The following RFT1 variants were observed in gnomAD, a reference collection of about 807,000 sequenced individuals.
RFT1 encodes the protein man(5)GlcNAc(2)-PP-dolichol translocation protein RFT1.
In RFT1, 43 loss-of-function variants were observed where a neutral mutation model predicts 62.2. The ratio of observed to expected loss-of-function variants is 0.69; its 90% confidence interval spans 0.54 to 0.89. The LOEUF (loss-of-function observed/expected upper bound fraction) is 0.89. RFT1 is among the 40% of genes least tolerant of loss of function. RFT1 has a pLI of 0.00. For missense variants in RFT1, 605 were observed against 649.9 expected, an observed-to-expected ratio of 0.93 and a Z score of 0.75; for synonymous variants, 262 against 264.6, an observed-to-expected ratio of 0.99 and a Z score of 0.10.
At chr3:53,075,794 G>A in the RFT1 span, among the ~76,000 whole-genome samples, 5 of 152,204 alleles carry the variant, frequency 3.3e-5, no homozygotes, top group Non-Finnish European at 2.9e-5. Flanking sequence ...GCTGGGAGCA[G>A]GCTCAGAGCT....
intron 7 of RFT1, among the ~76,000 whole-genome samples, chr3:53,107,500 C>G (rs73088322): frequency 0.26 from 39,764 of 151,646 alleles, 5,609 homozygotes; most frequent in Middle Eastern, 0.39. Context: ...AGATGATAGT[C>G]CCAAGTCTTA....
In RFT1 at chr3:53,089,663, C is replaced by G. The variant is rs774292834; in HGVS notation, c.*2240G>C. ...GCTGCCAAAGTGCTGACAGCCCAGG[C>G]GGCAGGGCTAGTCCTGGGAAAACAC... is the stretch of plus-strand genomic sequence containing the variant. On this transcript the variant is annotated 3_prime_UTR_variant, in exon 13 of 13. Transcript: ENST00000296292. 2 of 152,314 alleles carry G rather than the reference C, an allele frequency of 1.3e-5. No individual in the cohort carries two copies. Among genetic ancestry groups the G allele is most frequent in the Non-Finnish European group, 2.9e-5 (2 of 68,154 alleles). The allele number at this position is 152,314 out of a possible 1,614,324, so 9.4% of individuals were successfully genotyped here. A position where few individuals can be genotyped will look rare whatever the true frequency, so the allele number is the denominator to read the frequency against.
rs780103199 is a variant in RFT1, at chr3:53,092,248, G to A, written c.1458+121C>T. 9 of 1,447,634 alleles carry A rather than the reference G, an allele frequency of 6.2e-6. No homozygotes were observed. In the African/African-American group the frequency reaches 1.3e-4, roughly 20 times the overall value. The allele number at this position is 1,447,634 out of a possible 1,614,324, so 89.7% of individuals were successfully genotyped here. ...TTCTCTTGTCACATTATCAGAAGAT[G>A]CTGCCCTAGAGGCCTGGGGAGGGGA... On this transcript the variant is annotated intron_variant, in intron 12 of 12. Coordinates refer to ENST00000296292, the MANE Select transcript of RFT1 (RefSeq NM_052859.4).
At chr3:53,109,849 C>G (rs571696026) in intron 7 of RFT1, among the ~76,000 whole-genome samples, 22 of 152,084 alleles carry the variant, frequency 1.4e-4, no homozygotes, top group African/African-American at 4.8e-4. Context: ...AAAAAACCAC[C>G]AGGGATTTCA....
chr3:53,100,164 C>T (rs1701271988), intron 10 of RFT1, among the ~76,000 whole-genome samples: 1 of 152,166 alleles, frequency 6.6e-6, no homozygotes, highest in African/African-American at 2.4e-5. Context: ...TTGAGCAGGT[C>T]CTGAAGAAAA....
rs1336569857 is a variant in RFT1, at chr3:53,130,381, A to G, written c.20T>C (p.Leu7Pro). MGSQEV[L>P]GHAARLASSG... Reference sequence around the variant, plus strand: ...GGAGGCCAGCCGGGCCGCGTGGCCCAGCACCTCCTGGCTGCCCATAGCCTC... The same window carrying G: ...GGAGGCCAGCCGGGCCGCGTGGCCCGGCACCTCCTGGCTGCCCATAGCCTC... Residue 7 changes from leucine (L) to proline (P), a missense_variant, in exon 1 of 13, where the codon CTG becomes CCG. Leu to Pro is a moderately conservative substitution (Grantham distance 98). Coordinates refer to ENST00000296292, the MANE Select transcript of RFT1 (RefSeq NM_052859.4). The G allele has an allele frequency of 1.3e-6, 2 of 1,560,254 alleles. No individual in the cohort carries two copies. Among genetic ancestry groups the G allele is most frequent in the South Asian group, 1.2e-5 (1 of 84,716 alleles).
downstream of RFT1, among the ~76,000 whole-genome samples, chr3:53,085,503 T>G (rs1700836328): frequency 6.6e-6 from 1 of 151,858 alleles, no homozygotes; most frequent in African/African-American, 2.4e-5. Flanking sequence ...AATTGCTTTT[T>G]CAATGCTTTT....
At chr3:53,104,996 G>A (rs1377524813) in intron 9 of RFT1, among the ~76,000 whole-genome samples, 1 of 152,214 alleles carries the variant, frequency 6.6e-6, no homozygotes, top group Non-Finnish European at 1.5e-5. Context: ...TCCAACTTCT[G>A]CATCCTTTGG....
chr3:53,129,741 C>T (rs908124642), intron 1 of RFT1, among the ~76,000 whole-genome samples: 2 of 152,160 alleles, frequency 1.3e-5, no homozygotes, highest in African/African-American at 4.8e-5. Context: ...TAAATGCATA[C>T]TAAGAGCCGG....
chr3:53,074,197 T>C, the RFT1 span, among the ~76,000 whole-genome samples: 1 of 152,112 alleles, frequency 6.6e-6, no homozygotes, highest in Admixed American at 6.5e-5. Flanking sequence ...TGGGGGAGCC[T>C]GACAAACACC....
At chr3:53,110,975 G>A (rs551245847) in intron 7 of RFT1, among the ~76,000 whole-genome samples, 24 of 152,224 alleles carry the variant, frequency 1.6e-4, no homozygotes, top group Middle Eastern at 6.8e-3. Context: ...GAGCTCTGTC[G>A]TAGGTAAACT....
At chr3:53,098,681 A>G (rs547313209) in intron 11 of RFT1, among the ~76,000 whole-genome samples, 6 of 151,844 alleles carry the variant, frequency 4.0e-5, no homozygotes, top group Admixed American at 2.0e-4. Context: ...ACGCGCCTGT[A>G]GTCCCAGCTA....
intron 10 of RFT1, among the ~76,000 whole-genome samples, chr3:53,101,932 G>A (rs928966528): frequency 2.6e-5 from 4 of 152,002 alleles, no homozygotes; most frequent in Non-Finnish European, 5.9e-5. Context: ...TCAGCTACTC[G>A]GGAGGCTGAG....
rs183423964 is a variant in RFT1, at chr3:53,090,534, C to T, written c.*1369G>A. 4.3e-4 allele frequency: 66 copies of T among 152,214 alleles called. 2 individuals carry two copies. The highest frequency in any genetic ancestry group is 1.6e-3 in the African/African-American group (66 of 41,506). The allele number at this position is 152,214 out of a possible 1,614,324, so 9.4% of individuals were successfully genotyped here. On this transcript the variant is annotated 3_prime_UTR_variant, in exon 13 of 13. Transcript: ENST00000296292. ...ATAAAAACCTGCCAGGTGACTGGGC[C>T]CCAGTCTTGGTGTACTGACAGGTCT...
chr3:53,125,271 G>A (rs1352089787), intron 2 of RFT1, among the ~76,000 whole-genome samples: 3 of 152,208 alleles, frequency 2.0e-5, no homozygotes. Flanking sequence ...GAGAAGCTGA[G>A]CTATTCTGAG....
chr3:53,122,368 A>G lies in RFT1; in HGVS notation c.456+6T>C, dbSNP rs1231306720. Reference sequence around the variant, plus strand: ...ATTTCCCATTCACAGCAGAAGGTGCACTGACCTTGAGCTTCACAAACATAT... The same window carrying G: ...ATTTCCCATTCACAGCAGAAGGTGCGCTGACCTTGAGCTTCACAAACATAT... On this transcript the variant is annotated splice_donor_region_variant and intron_variant, in intron 4 of 12. Coordinates refer to ENST00000296292, the MANE Select transcript of RFT1 (RefSeq NM_052859.4). The G allele has an allele frequency of 1.2e-6, 2 of 1,613,216 alleles. No individual in the cohort carries two copies. Among genetic ancestry groups the G allele is most frequent in the Non-Finnish European group, 1.7e-6 (2 of 1,179,362 alleles).
chr3:53,124,796 A>G (rs928149962), intron 2 of RFT1, among the ~76,000 whole-genome samples: 10 of 151,472 alleles, frequency 6.6e-5, no homozygotes, highest in Admixed American at 2.0e-4. Flanking sequence ...ACACAGTAAG[A>G]CCTCATCTCT....
chr3:53,077,267 T>A, the RFT1 span, among the ~76,000 whole-genome samples: 2 of 152,222 alleles, frequency 1.3e-5, no homozygotes, highest in Non-Finnish European at 2.9e-5. Flanking sequence ...AGCTGGAACC[T>A]ACACTAGGGT....
intron 1 of RFT1, among the ~76,000 whole-genome samples, chr3:53,128,824 TAACA>T (rs1702182213): frequency 6.6e-6 from 1 of 152,198 alleles, no homozygotes; most frequent in Non-Finnish European, 1.5e-5. Context: ...TTTACAGTTT[TAACA>T]AAAAGGCTCT....
Sources: gnomAD v4.1 joint callset for allele counts (sites outside exome capture counted in the v4.1 genomes callset) on GRCh38, gnomAD v4.1.1 for gene constraint, MANE v1.5 for transcripts, NCBI Gene and HGNC (gene_info 2026-07-23, HGNC 2026-07-21) for gene names.